The following WDR44 variants were observed in gnomAD, a reference collection of about 807,000 sequenced individuals.
The protein encoded by WDR44 is WD repeat-containing protein 44.
Under a neutral mutation model 65.7 loss-of-function variants are expected in WDR44, and 9 were observed. The ratio of observed to expected loss-of-function variants is 0.14; its 90% CI spans 0.08 to 0.24. The LOEUF (loss-of-function observed/expected upper bound fraction) is 0.24, where lower values mean the gene tolerates loss of function less well. Ranked by LOEUF, WDR44 falls within the 10% of genes least tolerant of loss-of-function variation. The pLI is 1.00. For missense variants in WDR44, 425 were observed against 670.9 expected (o/e 0.63, Z 4.05); for synonymous variants, 220 against 235.2 (o/e 0.94, Z 0.59).
At chrX:118,404,904 G>A (rs2056950166) in intron 9 of WDR44, among the ~76,000 whole-genome samples, 1 of 110,928 alleles carries the variant, frequency 9.0e-6, no homozygotes, top group Non-Finnish European at 1.9e-5. Context: ...GTTTCACTGT[G>A]TTAGCCAGGA....
intron 12 of WDR44, among the ~76,000 whole-genome samples, chrX:118,429,050 CAG>C (rs1484310588): frequency 6.4e-5 from 7 of 110,210 alleles, no homozygotes; most frequent in African/African-American, 1.7e-4. Context: ...TGGGGCCTGT[CAG>C]GGGGATGGGA....
At chrX:118,382,492 C>T (rs1328658569) in intron 2 of WDR44, among the ~76,000 whole-genome samples, 1 of 112,018 alleles carries the variant, frequency 8.9e-6, no homozygotes, top group Non-Finnish European at 1.9e-5. Context: ...AAGTTTTTCT[C>T]CTTTTTTAAA....
At chrX:118,416,068 CTT>C (rs936836000) in intron 12 of WDR44, among the ~76,000 whole-genome samples, 3 of 111,729 alleles carry the variant, frequency 2.7e-5, no homozygotes, top group African/African-American at 9.7e-5. Context: ...TGGATTTTCT[CTT>C]TTATTTTCTT....
chrX:118,390,790 T>C (rs1350269543), intron 3 of WDR44, among the ~76,000 whole-genome samples: 1 of 112,212 alleles, frequency 8.9e-6, no homozygotes, highest in African/African-American at 3.2e-5. Context: ...TATTTATTGT[T>C]ATTTCTTACC....
At chrX:118,387,289 TAAAGA>T in intron 2 of WDR44, 46 bp from the exon 3 acceptor site, 1 of 931,923 alleles carries the variant, frequency 1.1e-6, no homozygotes, top group Non-Finnish European at 1.5e-6. Context: ...AGCATATTTT[TAAAGA>T]AAAGATGTCA....
Position 118,346,434 on chromosome X carries a change from C to G in WDR44, c.-70C>G. The G allele has an allele frequency of 1.0e-6, 1 of 992,442 alleles. No individual in the cohort carries two copies. The highest frequency in any genetic ancestry group is 1.4e-6 in the Non-Finnish European group (1 of 699,882). The allele number at this position is 992,442 out of a possible 1,213,427, so 81.8% of individuals were successfully genotyped here. ...CCAGTCTCGCCCGGGTGGAGGTCGA[C>G]GAGGAGGAGACAAGAGTCACCCTTC... On this transcript the variant is annotated 5_prime_UTR_variant, in exon 1 of 20. Transcript: ENST00000254029.
chrX:118,441,644 G>T, intron 15 of WDR44, 85 bp downstream of exon 15: 1 of 762,090 alleles, frequency 1.3e-6, no homozygotes, highest in Admixed American at 3.1e-5. Context: ...ATCCCCTCTG[G>T]GCTTTAACTG....
At chrX:118,402,692 G>A (rs1391395522) in intron 8 of WDR44, among the ~76,000 whole-genome samples, 2 of 111,283 alleles carry the variant, frequency 1.8e-5, no homozygotes, top group African/African-American at 6.5e-5. Context: ...AGGCTGCAGT[G>A]AGCCAAAATC....
chrX:118,390,598 A>G (rs2056812019), intron 3 of WDR44, among the ~76,000 whole-genome samples: 1 of 111,253 alleles, frequency 9.0e-6, no homozygotes, highest in Non-Finnish European at 1.9e-5. Flanking sequence ...CTCTTGTGGC[A>G]CAGACATTTC....
chrX:118,429,919 A>G (rs6645493), intron 12 of WDR44, among the ~76,000 whole-genome samples: 17,327 of 110,140 alleles, frequency 0.16, 2,502 homozygotes, highest in African/African-American at 0.44. Context: ...CTGGGATTAC[A>G]GGAGTGAACC....
At position 118,378,316 on chromosome X, in the gene WDR44, T is replaced by C. The variant is rs183160278; in HGVS notation, c.78-103T>C. The C allele has an allele frequency of 1.7e-3, 1,164 of 676,446 alleles. 5 individuals carry two copies. Among genetic ancestry groups the C allele is most frequent in the African/African-American group, 9.1e-3 (411 of 45,300 alleles). 55.7% of individuals were successfully genotyped at this position (676,446 alleles called of 1,213,427 possible). A position where few individuals can be genotyped will look rare whatever the true frequency, so the allele number is the denominator to read the frequency against. On this transcript the variant is annotated intron_variant, in intron 1 of 19. Coordinates refer to ENST00000254029, the MANE Select transcript of WDR44 (RefSeq NM_019045.5). ...CACAAGACTTTTCAGTCACAAAATA[T>C]ATACACATTTTTTAAATGTGGACTT... is the stretch of plus-strand genomic sequence containing the variant.
chrX:118,400,988 A>G (rs2056908599), intron 8 of WDR44, among the ~76,000 whole-genome samples: 1 of 84,031 alleles, frequency 1.2e-5, no homozygotes, highest in Non-Finnish European at 2.2e-5. Context: ...GTCCCTACAA[A>G]GGACATGAAC....
intron 18 of WDR44, 93 bp downstream of exon 18, chrX:118,443,780 C>G (rs367787812): frequency 3.1e-6 from 3 of 968,218 alleles, no homozygotes; most frequent in Non-Finnish European, 4.1e-6. Flanking sequence ...CACAGTGGCT[C>G]ACGCCTGTAA....
chrX:118,385,864 G>T (rs757088857), intron 2 of WDR44, among the ~76,000 whole-genome samples: 43 of 110,829 alleles, frequency 3.9e-4, no homozygotes, highest in African/African-American at 1.3e-3. Flanking sequence ...AAAAATGTAG[G>T]CAGAGGCTAT....
At chrX:118,406,753 A>G in intron 9 of WDR44, 122 bp from the exon 10 acceptor site, 1 of 653,231 alleles carries the variant, frequency 1.5e-6, no homozygotes, top group Non-Finnish European at 2.2e-6. Context: ...CCAGTATGTT[A>G]TATAATAAAT....
intron 1 of WDR44, among the ~76,000 whole-genome samples, chrX:118,351,817 G>A (rs2056406014): frequency 9.1e-6 from 1 of 110,408 alleles, no homozygotes; most frequent in Non-Finnish European, 1.9e-5. Flanking sequence ...GAGCATGGTA[G>A]CACACACCCA....
At chrX:118,447,895 TATATATATATA>T (rs200603160) in intron 19 of WDR44, among the ~76,000 whole-genome samples, 17,675 of 96,425 alleles carry the variant, frequency 0.18, 1,481 homozygotes, top group Admixed American at 0.3. Context: ...TATATATATA[TATATATATATA>T]TATATATACT....
chrX:118,424,172 T>C (rs1425511448), intron 12 of WDR44, among the ~76,000 whole-genome samples: 1 of 106,896 alleles, frequency 9.4e-6, no homozygotes, highest in African/African-American at 3.5e-5. Flanking sequence ...TCAGGAACTT[T>C]CATACTGGTT....
chrX:118,416,130 C>G (rs1247036792), intron 12 of WDR44, among the ~76,000 whole-genome samples: 3 of 111,677 alleles, frequency 2.7e-5, no homozygotes, highest in Non-Finnish European at 3.8e-5. Context: ...TTCAAAGAAC[C>G]AGCTTTGTGT....
Sources: allele counts gnomAD v4.1 joint callset (sites outside exome capture counted in the v4.1 genomes callset), GRCh38; gene constraint gnomAD v4.1.1; transcripts MANE v1.5; gene names NCBI Gene and HGNC (gene_info 2026-07-23, HGNC 2026-07-21).